Variants in NRG3 observed in about 807,000 individuals in gnomAD.
NRG3 encodes the protein pro-neuregulin-3, membrane-bound isoform.
In NRG3, 31 loss-of-function variants were observed where a neutral mutation model predicts 66.9. The ratio of observed to expected loss-of-function variants is 0.46; its 90% CI spans 0.35 to 0.63. NRG3 has a LOEUF of 0.63. Among genes scored for constraint, NRG3 ranks in the 20% least tolerant of loss-of-function variants. NRG3 has a pLI of 0.00. For missense variants in NRG3, 910 were observed against 878.9 expected (o/e 1.04, Z -0.45); for synonymous variants, 393 against 359.4 (o/e 1.09, Z -1.06).
chr10:81,879,546 C>T (rs1389174275), intron 1 of NRG3, among the ~76,000 whole-genome samples: 3 of 152,128 alleles, frequency 2.0e-5, no homozygotes, highest in Non-Finnish European at 4.4e-5. Flanking sequence ...ATACTAAAGA[C>T]AAAGAGCCTC....
At chr10:82,043,150 A>G (rs138896393) in intron 1 of NRG3, among the ~76,000 whole-genome samples, 111 of 152,140 alleles carry the variant, frequency 7.3e-4, no homozygotes, top group African/African-American at 2.5e-3. Flanking sequence ...TATTATCTTT[A>G]AGTGAGGACA....
At chr10:81,888,220 C>T (rs574812387) in intron 1 of NRG3, among the ~76,000 whole-genome samples, 1 of 152,014 alleles carries the variant, frequency 6.6e-6, no homozygotes, top group African/African-American at 2.4e-5. Flanking sequence ...ATGCAAACAC[C>T]CACATTCCCT....
intron 1 of NRG3, among the ~76,000 whole-genome samples, chr10:82,089,672 T>C (rs963559393): frequency 1.3e-5 from 2 of 152,248 alleles, no homozygotes; most frequent in African/African-American, 4.8e-5. Context: ...GGTTTGTTTG[T>C]TTTTAGTATC....
intron 1 of NRG3, among the ~76,000 whole-genome samples, chr10:82,322,202 A>C (rs1328185642): frequency 6.6e-6 from 1 of 152,188 alleles, no homozygotes; most frequent in East Asian, 1.9e-4. Context: ...TGAAAATGAG[A>C]AGATGTAGTT....
chr10:82,090,396 CTTTA>C (rs2065957993), intron 1 of NRG3, among the ~76,000 whole-genome samples: 1 of 152,158 alleles, frequency 6.6e-6, no homozygotes, highest in African/African-American at 2.4e-5. Flanking sequence ...ATGTGCTACA[CTTTA>C]TTTAATTGGT....
intron 1 of NRG3, among the ~76,000 whole-genome samples, chr10:82,219,035 G>A (rs537020183): frequency 1.2e-3 from 186 of 151,970 alleles, no homozygotes; most frequent in South Asian, 0.012. Context: ...TTCTTAAAAT[G>A]ATCAAAGAAA....
chr10:82,861,548 A>G (rs78945699), intron 3 of NRG3, among the ~76,000 whole-genome samples: 2,283 of 152,198 alleles, frequency 0.015, 49 homozygotes, highest in African/African-American at 0.048. Flanking sequence ...CAAACATGCC[A>G]CTCATTTCTT....
intron 2 of NRG3, among the ~76,000 whole-genome samples, chr10:82,419,275 G>A (rs1289012715): frequency 6.6e-6 from 1 of 152,094 alleles, no homozygotes; most frequent in African/African-American, 2.4e-5. Context: ...GAGCCACCAA[G>A]AATTGAAAGA....
chr10:82,845,193 A>G (rs770041666), intron 3 of NRG3, among the ~76,000 whole-genome samples: 5 of 152,344 alleles, frequency 3.3e-5, no homozygotes, highest in Admixed American at 2.0e-4. Context: ...GGCTTCAAGT[A>G]TTACATGCTT....
intron 2 of NRG3, among the ~76,000 whole-genome samples, chr10:82,586,990 T>G (rs2046713562): frequency 6.6e-6 from 1 of 152,216 alleles, no homozygotes; most frequent in Admixed American, 6.5e-5. Flanking sequence ...ATCTTTGCAT[T>G]AGGACAATGT....
intron 1 of NRG3, among the ~76,000 whole-genome samples, chr10:82,332,568 A>T (rs144027898): frequency 5.3e-5 from 8 of 152,238 alleles, no homozygotes; most frequent in Non-Finnish European, 8.8e-5. Context: ...ATAATGGGGG[A>T]TCCACCACCC....
chr10:82,417,372 G>T (rs1034113254), intron 2 of NRG3, among the ~76,000 whole-genome samples: 45 of 152,200 alleles, frequency 3.0e-4, no homozygotes, highest in African/African-American at 8.7e-4. Flanking sequence ...CATGGATATA[G>T]ATTCCAGGGG....
intron 2 of NRG3, among the ~76,000 whole-genome samples, chr10:82,533,893 A>G (rs1272438720): frequency 6.6e-6 from 1 of 152,196 alleles, no homozygotes; most frequent in Non-Finnish European, 1.5e-5. Flanking sequence ...TGTTAGAACT[A>G]ATAAATGAAT....
intron 1 of NRG3, among the ~76,000 whole-genome samples, chr10:82,016,436 C>T (rs764053770): frequency 4.0e-5 from 6 of 151,866 alleles, no homozygotes; most frequent in Admixed American, 1.3e-4. Flanking sequence ...AGTAAGCATG[C>T]GAGATGTTAA....
chr10:82,533,803 G>A (rs569134665), intron 2 of NRG3, among the ~76,000 whole-genome samples: 1 of 152,232 alleles, frequency 6.6e-6, no homozygotes, highest in Admixed American at 6.5e-5. Flanking sequence ...GTAAAATTGT[G>A]CCTGTTGCAG....
In NRG3 at chr10:82,129,015, C is replaced by A. The variant is rs11819072; in HGVS notation, c.824-229724C>A. Among the ~76,000 whole-genome samples, 70 of 151,898 alleles carry A rather than the reference C, an allele frequency of 4.6e-4. 1 individual carries two copies. Among genetic ancestry groups the A allele is most frequent in the African/African-American group, 1.5e-3 (64 of 41,404 alleles). ...TGCAACCTCGCCTCTCGGGTTCAAG[C>A]GATTCTCCTGTCTCAGCCTCGCAAG... On this transcript the variant is annotated intron_variant, in intron 1 of 8. Transcript: ENST00000372141.
At chr10:82,717,433 T>G (rs2057043409) in intron 2 of NRG3, among the ~76,000 whole-genome samples, 1 of 121,796 alleles carries the variant, frequency 8.2e-6, no homozygotes, top group Admixed American at 1.1e-4. Flanking sequence ...GGAGTCTTGC[T>G]GTGTCGCCCA....
At chr10:82,409,035 C>T (rs1478765174) in intron 2 of NRG3, among the ~76,000 whole-genome samples, 3 of 152,014 alleles carry the variant, frequency 2.0e-5, no homozygotes, top group Non-Finnish European at 4.4e-5. Flanking sequence ...CCTAGGTGGC[C>T]CCATGTAATA....
intron 2 of NRG3, among the ~76,000 whole-genome samples, chr10:82,677,063 T>TC (rs1491171115): frequency 2.4e-4 from 31 of 129,478 alleles, no homozygotes; most frequent in East Asian, 1.2e-3. Context: ...TCTCTCTCTC[T>TC]TTTTTTTTTT....
Sources: gnomAD v4.1 joint callset for allele counts (sites outside exome capture counted in the v4.1 genomes callset) on GRCh38, gnomAD v4.1.1 for gene constraint, MANE v1.5 for transcripts, NCBI Gene and HGNC (gene_info 2026-07-23, HGNC 2026-07-21) for gene names.